Variants in STK32B observed in about 807,000 individuals in gnomAD.
The protein encoded by STK32B is serine/threonine-protein kinase 32B.
Under a neutral mutation model 52.6 loss-of-function variants are expected in STK32B, and 43 were observed. The observed-to-expected ratio is 0.82, with a 90% CI of 0.64 to 1.05. STK32B has a LOEUF of 1.05. Ranked by LOEUF, STK32B falls within the 50% of genes least tolerant of loss-of-function variation. STK32B has a pLI of 0.00. For missense variants in STK32B, 621 were observed against 534.6 expected, an observed-to-expected ratio of 1.16 and a Z score of -1.59; for synonymous variants, 238 against 204.3, an observed-to-expected ratio of 1.17 and a Z score of -1.41.
intron 11 of STK32B, among the ~76,000 whole-genome samples, chr4:5,490,889 C>A (rs1340119185): frequency 6.6e-6 from 1 of 152,180 alleles, no homozygotes; most frequent in Non-Finnish European, 1.5e-5. Flanking sequence ...CATGTCCCTA[C>A]AAAGGACATG....
chr4:5,402,347 C>G (rs1257085376), intron 5 of STK32B, among the ~76,000 whole-genome samples: 1 of 152,204 alleles, frequency 6.6e-6, no homozygotes, highest in Non-Finnish European at 1.5e-5. Context: ...GTGCTTTCCA[C>G]ATGGGAGGTG....
chr4:5,128,264 G>A (rs974804803), intron 1 of STK32B, among the ~76,000 whole-genome samples: 3 of 152,164 alleles, frequency 2.0e-5, no homozygotes, highest in Non-Finnish European at 4.4e-5. Context: ...GTGGTAGCTT[G>A]TTACAACTGT....
intron 3 of STK32B, among the ~76,000 whole-genome samples, chr4:5,308,953 T>A (rs958270847): frequency 6.6e-6 from 1 of 151,884 alleles, no homozygotes; most frequent in Admixed American, 6.6e-5. Context: ...AAGGAAGAAG[T>A]CAAATTGTCT....
chr4:5,204,427 GT>G (rs1294481531), intron 3 of STK32B, among the ~76,000 whole-genome samples: 12 of 142,214 alleles, frequency 8.4e-5, no homozygotes, highest in African/African-American at 1.5e-4. Flanking sequence ...TGTTTTTTAG[GT>G]TTTTTTTGTT....
intron 4 of STK32B, among the ~76,000 whole-genome samples, chr4:5,357,092 C>T (rs1056500605): frequency 0.014 from 1,081 of 76,704 alleles, 15 homozygotes; most frequent in African/African-American, 0.087. Flanking sequence ...CACGTATACA[C>T]ACACACACAC....
At chr4:5,049,553 C>T (rs1376736662), upstream of STK32B, among the ~76,000 whole-genome samples, 3 of 152,094 alleles carry the variant, frequency 2.0e-5, no homozygotes, top group Non-Finnish European at 4.4e-5. Context: ...GGGCGAGGGT[C>T]ACAAGGTGCT....
At chr4:5,468,150 GC>G (rs1218481036) in intron 11 of STK32B, 80 bp downstream of exon 11, 6 of 1,477,938 alleles carry the variant, frequency 4.1e-6, no homozygotes, top group Admixed American at 3.4e-5. Flanking sequence ...CACAGTCCCT[GC>G]CCCCCAAACC....
chr4:5,217,119 C>T (rs1723226586), intron 3 of STK32B, among the ~76,000 whole-genome samples: 1 of 152,162 alleles, frequency 6.6e-6, no homozygotes, highest in African/African-American at 2.4e-5. Flanking sequence ...TTCCTTGAGG[C>T]CAATTATGCA....
intron 7 of STK32B, among the ~76,000 whole-genome samples, chr4:5,454,327 G>C (rs1198390139): frequency 6.6e-6 from 1 of 152,162 alleles, no homozygotes; most frequent in East Asian, 1.9e-4. Flanking sequence ...CCAGAAGTCT[G>C]AGATGAAGTG....
chr4:5,484,888 CT>C (rs780819822), intron 11 of STK32B, among the ~76,000 whole-genome samples: 15 of 152,266 alleles, frequency 9.9e-5, no homozygotes, highest in Middle Eastern at 3.4e-3. Context: ...GTTGAAAATT[CT>C]TTTCTTTAAG....
chr4:5,053,018 A>T (rs1057167072), intron 1 of STK32B, among the ~76,000 whole-genome samples: 1 of 152,190 alleles, frequency 6.6e-6, no homozygotes, highest in Non-Finnish European at 1.5e-5. Context: ...TGTGCCTGTC[A>T]TCATTACCCA....
intron 3 of STK32B, among the ~76,000 whole-genome samples, chr4:5,185,575 A>G (rs1720680370): frequency 1.3e-5 from 2 of 152,212 alleles, no homozygotes; most frequent in Non-Finnish European, 2.9e-5. Flanking sequence ...GGAAGGCATC[A>G]GGGAAACCTT....
At chr4:5,301,177 C>T (rs1729527312) in intron 3 of STK32B, among the ~76,000 whole-genome samples, 1 of 151,990 alleles carries the variant, frequency 6.6e-6, no homozygotes, top group Non-Finnish European at 1.5e-5. Context: ...GGATTCTGTT[C>T]CTAGCTTTCG....
Position 5,357,957 on chromosome 4 carries a change from C to T in STK32B, c.434+26564C>T, listed in dbSNP as rs576136158. Reference sequence around the variant, plus strand: ...TATCAACTAGAAAGAAGTATTCAGACGAAAAAAAATGGAAGACATGCAGAT... The same window carrying T: ...TATCAACTAGAAAGAAGTATTCAGATGAAAAAAAATGGAAGACATGCAGAT... On this transcript the variant is annotated intron_variant, in intron 4 of 11. Coordinates refer to ENST00000282908, the MANE Select transcript of STK32B (RefSeq NM_018401.3). Among the ~76,000 whole-genome samples the T allele has an allele frequency of 9.2e-5, 14 of 151,720 alleles. No homozygotes were observed. The South Asian group carries it at 1.7e-3, about 18-fold the overall frequency.
intron 2 of STK32B, among the ~76,000 whole-genome samples, chr4:5,149,121 GT>G (rs1399335883): frequency 6.6e-6 from 1 of 151,756 alleles, no homozygotes. Flanking sequence ...TTTTTAAAAT[GT>G]TTGATAGGAT....
intron 5 of STK32B, among the ~76,000 whole-genome samples, chr4:5,414,052 T>C (rs770519285): frequency 8.6e-5 from 13 of 152,042 alleles, no homozygotes; most frequent in Non-Finnish European, 1.6e-4. Context: ...AGACAAACAA[T>C]TAAGCAAGCA....
At chr4:5,175,828 C>G (rs1041822990) in intron 3 of STK32B, among the ~76,000 whole-genome samples, 1 of 152,252 alleles carries the variant, frequency 6.6e-6, no homozygotes. Flanking sequence ...CTGTTCAAAG[C>G]TGTCAGACAG....
At chr4:5,217,100 A>G (rs77072120) in intron 3 of STK32B, among the ~76,000 whole-genome samples, 2,932 of 152,324 alleles carry the variant, frequency 0.019, 87 homozygotes, top group African/African-American at 0.065. Flanking sequence ...TGGACTGCCA[A>G]TGCTCAGCTT....
At chr4:5,218,094 A>C (rs1292034586) in intron 3 of STK32B, among the ~76,000 whole-genome samples, 1 of 152,088 alleles carries the variant, frequency 6.6e-6, no homozygotes, top group Non-Finnish European at 1.5e-5. Flanking sequence ...AATTGCTTAC[A>C]TCTATACACC....
Sources: gnomAD v4.1 joint callset for allele counts (sites outside exome capture counted in the v4.1 genomes callset) on GRCh38, gnomAD v4.1.1 for gene constraint, MANE v1.5 for transcripts, NCBI Gene and HGNC (gene_info 2026-07-23, HGNC 2026-07-21) for gene names.